The following RASSF4 variants were observed in gnomAD, a reference collection of about 807,000 sequenced individuals.
The protein encoded by RASSF4 is Ras association domain family member 4.
In RASSF4, 38 loss-of-function variants were observed where a neutral mutation model predicts 41.1. The ratio of observed to expected loss-of-function variants is 0.92; its 90% CI spans 0.71 to 1.21. RASSF4 has a LOEUF of 1.21. RASSF4 is among the 50% of genes most tolerant of loss of function. The pLI is 0.00. For missense variants in RASSF4, 414 were observed against 419.4 expected (o/e 0.99, Z 0.11); for synonymous variants, 179 against 163.4 (o/e 1.10, Z -0.73).
At chr10:44,989,872 A>G in intron 8 of RASSF4, 151 bp downstream of exon 8, 1 of 711,988 alleles carries the variant, frequency 1.4e-6, no homozygotes, top group Non-Finnish European at 2.6e-6. Context: ...GCCTCCCAGC[A>G]TGAACATTTC....
intron 4 of RASSF4, chr10:44,982,977 G>A (rs1415162969): frequency 1.6e-6 from 1 of 630,780 alleles, no homozygotes; most frequent in Non-Finnish European, 3.0e-6. Flanking sequence ...AGCCGAACAT[G>A]TCTCGCCATC....
At chr10:44,972,060 G>A (rs1841194661) in intron 3 of RASSF4, among the ~76,000 whole-genome samples, 1 of 152,164 alleles carries the variant, frequency 6.6e-6, no homozygotes, top group South Asian at 2.1e-4. Context: ...CCTTGCAGAG[G>A]GTCAGTGCAT....
In RASSF4 at chr10:44,982,547, G is replaced by A. The variant is rs373283795; in HGVS notation, c.165G>A (p.Gly55=). The A allele has an allele frequency of 4.3e-6, 7 of 1,612,028 alleles. No homozygotes were observed. In the African/African-American group the frequency reaches 9.4e-5, roughly 22 times the overall value. Residue 55 remains glycine (G), a synonymous_variant, in exon 4 of 11, where the codon GGG becomes GGA. Coordinates refer to ENST00000340258, the MANE Select transcript of RASSF4 (RefSeq NM_032023.4). The stretch of plus-strand genomic sequence containing the variant: ...AAGAAGGGACTCTGATCATCGAGGG[G>A]CTCCTCAACATTGCCTGGGGGCTGA... ...REEEGTLIIE[G]LLNIAWGLRR... is the part of the protein sequence containing the mutation.
At chr10:44,989,233 C>A in intron 6 of RASSF4, 41 bp from the exon 7 acceptor site, 2 of 1,309,560 alleles carry the variant, frequency 1.5e-6, no homozygotes, top group South Asian at 1.2e-5. Context: ...TCCCTTGTCC[C>A]CTCTGGGCCT....
At chr10:44,963,013 GT>G (rs1289407309) in intron 1 of RASSF4, among the ~76,000 whole-genome samples, 16 of 152,312 alleles carry the variant, frequency 1.1e-4, no homozygotes, top group Admixed American at 1.0e-3. Flanking sequence ...AGAGAGACCT[GT>G]CAGTGAGAGG....
At position 44,971,773 on chromosome 10, in the gene RASSF4, G is replaced by A; in HGVS notation, c.63G>A (p.Lys21=). The part of the protein sequence containing the change: ...VPISDSKSIQ[K]SELLGLLKTY... ...TACATGTGTGTCTTTCCCTTTTTAG[G>A]TCGGAGCTCTTAGGCCTGCTGAAAA... The change falls in exon 3 of 11, where the codon AAG becomes AAA. Residue 21 remains lysine (K), a splice_region_variant and synonymous_variant. Transcript: ENST00000340258. The A allele has an allele frequency of 1.2e-6, 2 of 1,613,728 alleles. No individual in the cohort carries two copies. Among genetic ancestry groups the A allele is most frequent in the Non-Finnish European group, 1.7e-6 (2 of 1,179,638 alleles).
At chr10:44,980,086 G>C (rs1047184568) in intron 3 of RASSF4, among the ~76,000 whole-genome samples, 4 of 152,158 alleles carry the variant, frequency 2.6e-5, no homozygotes, top group Non-Finnish European at 4.4e-5. Flanking sequence ...GGAGAAAGAG[G>C]AGTCTTGAGA....
intron 1 of RASSF4, among the ~76,000 whole-genome samples, chr10:44,966,178 AGAG>A (rs1435778901): frequency 2.0e-5 from 3 of 152,228 alleles, no homozygotes; most frequent in African/African-American, 7.2e-5. Flanking sequence ...TAAGGCCCAG[AGAG>A]GAGAAGGCAT....
At chr10:44,983,903 C>T (rs750463333) in intron 4 of RASSF4, 119 bp from the exon 5 acceptor site, 36 of 1,526,702 alleles carry the variant, frequency 2.4e-5, no homozygotes, top group Non-Finnish European at 3.1e-5. Flanking sequence ...CAGGCCTCAC[C>T]TCAGCCTGCC....
At chr10:44,962,000 T>C (rs1387925009) in intron 1 of RASSF4, among the ~76,000 whole-genome samples, 1 of 152,192 alleles carries the variant, frequency 6.6e-6, no homozygotes, top group African/African-American at 2.4e-5. Context: ...TGCCCTAGGA[T>C]ATACTGTTGA....
intron 3 of RASSF4, chr10:44,981,838 G>A (rs893813185): frequency 1.3e-5 from 2 of 152,686 alleles, no homozygotes; most frequent in Non-Finnish European, 2.9e-5. Flanking sequence ...AGGGCCCCAG[G>A]TTGGCAGCAG....
At chr10:44,968,882 T>C (rs554266802) in intron 1 of RASSF4, among the ~76,000 whole-genome samples, 1 of 152,182 alleles carries the variant, frequency 6.6e-6, no homozygotes, top group East Asian at 1.9e-4. Context: ...CCCCTCCCAA[T>C]GTGTCCTAAC....
chr10:44,970,913 A>T (rs920876847), intron 2 of RASSF4: 1 of 156,118 alleles, frequency 6.4e-6, no homozygotes, highest in African/African-American at 2.4e-5. Flanking sequence ...ACTCAGAGCA[A>T]AAGCTCACTT....
chr10:44,969,848 G>A (rs1280838080), intron 1 of RASSF4, among the ~76,000 whole-genome samples: 1 of 152,258 alleles, frequency 6.6e-6, no homozygotes, highest in Non-Finnish European at 1.5e-5. Flanking sequence ...GGCTGTCCCT[G>A]CCAAGGGAAG....
chr10:44,993,380 T>A lies in RASSF4; in HGVS notation c.*51T>A, dbSNP rs1369797099. On this transcript the variant is annotated 3_prime_UTR_variant, in exon 11 of 11. Transcript: ENST00000340258. ...GTCCCCAGCAGTGGCAGGTGTACAC[T>A]GAGCCCTGGTTGCTGGCCCCGGCCG... is the stretch of plus-strand genomic sequence containing the variant. The A allele has an allele frequency of 6.8e-7, 1 of 1,466,768 alleles. No individual in the cohort carries two copies. Among genetic ancestry groups the A allele is most frequent in the East Asian group, 2.4e-5 (1 of 41,490 alleles). The allele number at this position is 1,466,768 out of a possible 1,614,324, so 90.9% of individuals were successfully genotyped here.
rs914748151 is a variant in RASSF4, at chr10:44,983,801, C to T, written c.282-221C>T. On this transcript the variant is annotated intron_variant, in intron 4 of 10. Coordinates refer to ENST00000340258, the MANE Select transcript of RASSF4 (RefSeq NM_032023.4). ...AGCCCAGCACAAGCCCTCAGGTCTG[C>T]AGGGCCAGGCTCACTCTCCGTCCAG... 7 of 685,486 alleles carry T rather than the reference C, an allele frequency of 1.0e-5. No individual in the cohort carries two copies. In the African/African-American group the frequency reaches 1.1e-4, roughly 11 times the overall value. 42.5% of individuals were successfully genotyped at this position (685,486 alleles called of 1,614,324 possible).
chr10:44,992,071 G>C, intron 10 of RASSF4, 69 bp downstream of exon 10: 25 of 1,026,380 alleles, frequency 2.4e-5, no homozygotes, highest in Non-Finnish European at 3.4e-5. Flanking sequence ...CACAGCACCA[G>C]TGCCGGCTGG....
intron 3 of RASSF4, among the ~76,000 whole-genome samples, chr10:44,972,085 C>T (rs1413929778): frequency 5.9e-5 from 9 of 152,204 alleles, no homozygotes; most frequent in Admixed American, 5.2e-4. Flanking sequence ...TCCAGAGTTC[C>T]CAGTGGCAGA....
In RASSF4 at chr10:44,993,412, T is replaced by C. The variant is rs565817186; in HGVS notation, c.*83T>C. The C allele has an allele frequency of 5.7e-5, 63 of 1,098,182 alleles. No homozygotes were observed. The Admixed American group carries it at 7.6e-4, about 13-fold the overall frequency. 68.0% of individuals were successfully genotyped at this position (1,098,182 alleles called of 1,614,324 possible). A position where few individuals can be genotyped will look rare whatever the true frequency, so the allele number is the denominator to read the frequency against. On this transcript the variant is annotated 3_prime_UTR_variant, in exon 11 of 11. Transcript: ENST00000340258. The stretch of plus-strand genomic sequence containing the variant: ...TGGTTGCTGGCCCCGGCCGGTCACA[T>C]TGACTGATGGCCACCGCCTGACGAA...
Sources: gnomAD v4.1 joint callset for allele counts (sites outside exome capture counted in the v4.1 genomes callset) on GRCh38, gnomAD v4.1.1 for gene constraint, MANE v1.5 for transcripts, NCBI Gene and HGNC (gene_info 2026-07-23, HGNC 2026-07-21) for gene names.